The following DMXL2 variants were observed in gnomAD, a reference collection of about 807,000 sequenced individuals.
DMXL2 encodes the protein dmX-like protein 2.
Under a neutral mutation model 331.1 loss-of-function variants are expected in DMXL2, and 103 were observed. The ratio of observed to expected loss-of-function variants is 0.31; its 90% CI spans 0.27 to 0.37. The LOEUF is 0.37. Ranked by LOEUF, DMXL2 falls within the 10% of genes least tolerant of loss-of-function variation. DMXL2 has a pLI of 1.00. For missense variants in DMXL2, 3,171 were observed against 3,642.9 expected, an observed-to-expected ratio of 0.87 and a Z score of 3.33; for synonymous variants, 1,281 against 1,252.1, an observed-to-expected ratio of 1.02 and a Z score of -0.49.
chr15:51,561,066 T>C (rs1292039867), intron 6 of DMXL2, among the ~76,000 whole-genome samples: 1 of 152,110 alleles, frequency 6.6e-6, no homozygotes, highest in East Asian at 1.9e-4. Flanking sequence ...ACTTTGAAGT[T>C]ACATCTGAAA....
chr15:51,495,846 A>C (rs1567027120), intron 18 of DMXL2, among the ~76,000 whole-genome samples: 1 of 152,228 alleles, frequency 6.6e-6, no homozygotes, highest in East Asian at 1.9e-4. Context: ...TTTTCCAGAA[A>C]AAAAAAAACA....
intron 1 of DMXL2, among the ~76,000 whole-genome samples, chr15:51,588,411 C>T (rs551032521): frequency 1.1e-4 from 17 of 152,140 alleles, no homozygotes; most frequent in African/African-American, 1.9e-4. Flanking sequence ...TGGCCAGGAG[C>T]GCTGGGATTA....
At chr15:51,477,266 T>C (rs899217272) in intron 26 of DMXL2, among the ~76,000 whole-genome samples, 6 of 152,026 alleles carry the variant, frequency 3.9e-5, no homozygotes, top group Non-Finnish European at 5.9e-5. Context: ...CTTTGTGAAG[T>C]TGGGGAAAAT....
At chr15:51,532,827 A>T (rs1368244627) in intron 13 of DMXL2, among the ~76,000 whole-genome samples, 3 of 152,206 alleles carry the variant, frequency 2.0e-5, no homozygotes, top group African/African-American at 7.2e-5. Context: ...GCAACAAAAT[A>T]AGAAAAATAA....
intron 1 of DMXL2, among the ~76,000 whole-genome samples, chr15:51,620,079 CTATT>C (rs2054534704): frequency 6.6e-6 from 1 of 151,982 alleles, no homozygotes; most frequent in South Asian, 2.1e-4. Context: ...ACTATTATTA[CTATT>C]TATTATTCCT....
At chr15:51,517,203 A>G (rs2047085718) in intron 13 of DMXL2, 36 bp from the exon 14 acceptor site, 2 of 1,472,498 alleles carry the variant, frequency 1.4e-6, no homozygotes, top group Non-Finnish European at 1.9e-6. Context: ...AATGGCCAAC[A>G]AATTATAATC....
In DMXL2 at chr15:51,498,434, G is replaced by T; in HGVS notation, c.4672+118C>A. On this transcript the variant is annotated intron_variant, in intron 18 of 43. Coordinates refer to ENST00000560891, the MANE Select transcript of DMXL2 (RefSeq NM_001378457.1). ...ATAATAGTAATTACCTATTAAGGAG[G>T]TCTTTTCCCTGCAAAGTTTGAAAGT... 4.1e-6 allele frequency: 4 copies of T among 979,048 alleles called. No homozygotes were observed. In the East Asian group the frequency reaches 1.0e-4, roughly 25 times the overall value. 60.6% of individuals were successfully genotyped at this position (979,048 alleles called of 1,614,324 possible).
chr15:51,616,973 A>G (rs12900551), intron 1 of DMXL2, among the ~76,000 whole-genome samples: 4 of 150,192 alleles, frequency 2.7e-5, no homozygotes, highest in African/African-American at 9.8e-5. Context: ...GACAAGCTAG[A>G]GAAGTCTGAC....
chr15:51,516,221 G>T (rs2047028595), intron 14 of DMXL2, among the ~76,000 whole-genome samples: 1 of 152,096 alleles, frequency 6.6e-6, no homozygotes, highest in Admixed American at 6.5e-5. Flanking sequence ...CTATCCCTTA[G>T]ACCATAAACA....
intron 10 of DMXL2, 96 bp from the exon 11 acceptor site, chr15:51,537,855 C>G: frequency 7.5e-7 from 1 of 1,330,354 alleles, no homozygotes; most frequent in African/African-American, 1.5e-5. Context: ...AAAACTAAAT[C>G]TCTTTTCCAA....
intron 1 of DMXL2, among the ~76,000 whole-genome samples, chr15:51,588,564 T>A (rs1386405743): frequency 6.6e-6 from 1 of 152,222 alleles, no homozygotes; most frequent in African/African-American, 2.4e-5. Context: ...TATACCAACA[T>A]AAATTAATAT....
chr15:51,564,938 G>T, intron 4 of DMXL2, 150 bp downstream of exon 4: 1 of 479,084 alleles, frequency 2.1e-6, no homozygotes, highest in Non-Finnish European at 3.6e-6. Flanking sequence ...ACAAAGCACT[G>T]TATACCAAGA....
At chr15:51,541,952 T>C (rs546633216) in intron 9 of DMXL2, among the ~76,000 whole-genome samples, 4 of 152,294 alleles carry the variant, frequency 2.6e-5, no homozygotes, top group Non-Finnish European at 5.9e-5. Context: ...AGGAAAACTT[T>C]GTAAAAATAT....
At chr15:51,481,912 C>T (rs2042043248) in intron 23 of DMXL2, among the ~76,000 whole-genome samples, 1 of 152,024 alleles carries the variant, frequency 6.6e-6, no homozygotes, top group Non-Finnish European at 1.5e-5. Flanking sequence ...CTATCTAAGA[C>T]AGTGAAGAGG....
intron 1 of DMXL2, among the ~76,000 whole-genome samples, chr15:51,596,281 A>C (rs1462236639): frequency 6.6e-6 from 1 of 152,254 alleles, no homozygotes; most frequent in East Asian, 1.9e-4. Context: ...GACACTTCTC[A>C]AAAGAAGACA....
intron 9 of DMXL2, among the ~76,000 whole-genome samples, chr15:51,539,462 A>G (rs1225585528): frequency 6.6e-6 from 1 of 152,168 alleles, no homozygotes; most frequent in Non-Finnish European, 1.5e-5. Flanking sequence ...AGTATAAGAT[A>G]ATTTCTCCAT....
intron 1 of DMXL2, among the ~76,000 whole-genome samples, chr15:51,619,290 G>C (rs17609917): frequency 0.48 from 72,392 of 151,942 alleles, 17,644 homozygotes; most frequent in Non-Finnish European, 0.52. Flanking sequence ...ATAACATTTC[G>C]AAAACCTAGA....
At position 51,457,368 on chromosome 15, in the gene DMXL2, G is replaced by T; in HGVS notation, c.8297C>A (p.Pro2766Gln). The change falls in exon 37 of 44, where the codon CCA (proline) becomes CAA (glutamine). Residue 2766 changes from proline to glutamine, a missense_variant. Transcript: ENST00000560891. ...GCTAGTCTGTCCAGTGCCCAGCCAT[G>T]GCAGAGATGAAGGTGGATGCACCTG... is the stretch of plus-strand genomic sequence containing the variant. Reference protein sequence around the residue: ...ASQVHPPSSLPWLGTGQTSTG... With the variant: ...ASQVHPPSSLQWLGTGQTSTG... 1 of 1,614,190 alleles carries T rather than the reference G, an allele frequency of 6.2e-7. No homozygotes were observed. The highest frequency in any genetic ancestry group is 1.1e-5 in the South Asian group (1 of 91,076).
chr15:51,549,752 T>C lies in DMXL2; in HGVS notation c.568-2344A>G, dbSNP rs1267535641. Reference sequence around the variant, plus strand: ...TTCATATGCTTGTCAGCCATTTGTATATCCTCCTTGGAGAATTGTCTATTG... The same window carrying C: ...TTCATATGCTTGTCAGCCATTTGTACATCCTCCTTGGAGAATTGTCTATTG... On this transcript the variant is annotated intron_variant, in intron 6 of 43. Transcript: ENST00000560891. Among the ~76,000 whole-genome samples the C allele has an allele frequency of 3.9e-5, 6 of 152,216 alleles. No individual in the cohort carries two copies. The East Asian group carries it at 7.7e-4, about 20-fold the overall frequency.
Sources: gnomAD v4.1 joint callset for allele counts (sites outside exome capture counted in the v4.1 genomes callset) on GRCh38, gnomAD v4.1.1 for gene constraint, MANE v1.5 for transcripts, NCBI Gene and HGNC (gene_info 2026-07-23, HGNC 2026-07-21) for gene names.